AK5: variants seen among roughly 807,000 people sequenced by gnomAD.
AK5 encodes the protein adenylate kinase isoenzyme 5.
AK5 carries 27 observed loss-of-function variants against 69.5 expected under a neutral mutation model. That is an observed-to-expected ratio of 0.39 (90% CI 0.29 to 0.54). The LOEUF is 0.54. AK5 is among the 20% of genes least tolerant of loss of function. AK5 has a pLI of 0.71. For synonymous variants in AK5, 260 were observed against 244.4 expected (o/e 1.06, Z -0.60); for missense variants, 531 against 700.4 (o/e 0.76, Z 2.73).
At chr1:77,305,822 C>G (rs1438584846) in intron 5 of AK5, among the ~76,000 whole-genome samples, 1 of 151,972 alleles carries the variant, frequency 6.6e-6, no homozygotes, top group African/African-American at 2.4e-5. Flanking sequence ...TTTGGCTATT[C>G]TGGGTCTTTT....
At chr1:77,536,068 G>A in intron 13 of AK5, 30 bp downstream of exon 13, 2 of 1,555,410 alleles carry the variant, frequency 1.3e-6, no homozygotes, top group Non-Finnish European at 1.7e-6. Context: ...CCTCTGAAAT[G>A]AGCCGCTTAC....
rs955259460 is a variant in AK5, at chr1:77,508,743, T to C, written c.1148-9821T>C. ...ACAGCCAGGTGTGGTGGTGGGTGCC[T>C]GTAATCCCAGCTACTCGAGAGGCTG... On this transcript the variant is annotated intron_variant, in intron 10 of 13. Coordinates refer to ENST00000354567, the MANE Select transcript of AK5 (RefSeq NM_174858.3). Among the ~76,000 whole-genome samples, 4 of 152,080 alleles carry C rather than the reference T, an allele frequency of 2.6e-5. No individual in the cohort carries two copies. In the East Asian group the frequency reaches 7.7e-4, roughly 29 times the overall value.
chr1:77,443,704 T>TGTGTGG (rs1372753344), intron 8 of AK5, among the ~76,000 whole-genome samples: 1 of 151,522 alleles, frequency 6.6e-6, no homozygotes, highest in Non-Finnish European at 1.5e-5. Context: ...TGTGTGTGTG[T>TGTGTGG]GTGTGTGTGT....
At chr1:77,507,683 T>A (rs2256679) in intron 10 of AK5, among the ~76,000 whole-genome samples, 3,432 of 152,270 alleles carry the variant, frequency 0.023, 102 homozygotes, top group African/African-American at 0.079. Flanking sequence ...ATAATAATTA[T>A]TCATTCATGA....
At chr1:77,543,741 G>A (rs1375187526) in intron 13 of AK5, among the ~76,000 whole-genome samples, 2 of 152,102 alleles carry the variant, frequency 1.3e-5, no homozygotes, top group South Asian at 4.1e-4. Context: ...TCTCATTTAT[G>A]GGGGTCTTCA....
At chr1:77,445,085 G>T (rs1056506160) in intron 8 of AK5, among the ~76,000 whole-genome samples, 1 of 152,090 alleles carries the variant, frequency 6.6e-6, no homozygotes, top group African/African-American at 2.4e-5. Flanking sequence ...GAAAAATGCT[G>T]CAATGAGCAT....
intron 8 of AK5, among the ~76,000 whole-genome samples, chr1:77,475,331 G>A (rs1409790150): frequency 1.5e-5 from 2 of 131,750 alleles, no homozygotes; most frequent in East Asian, 2.1e-4. Context: ...ACAAGCTCAG[G>A]GCAAATGTAT....
At chr1:77,441,706 A>C (rs1652336826) in intron 8 of AK5, among the ~76,000 whole-genome samples, 1 of 152,188 alleles carries the variant, frequency 6.6e-6, no homozygotes, top group South Asian at 2.1e-4. Flanking sequence ...CAATGGGGAC[A>C]CTTAGCTGAG....
At chr1:77,450,100 G>GCTTCC (rs1557602148) in intron 8 of AK5, among the ~76,000 whole-genome samples, 1 of 152,124 alleles carries the variant, frequency 6.6e-6, no homozygotes, top group Admixed American at 6.5e-5. Flanking sequence ...AAAACAGCAA[G>GCTTCC]AGTCACCTTT....
intron 12 of AK5, among the ~76,000 whole-genome samples, chr1:77,529,688 G>C (rs568101671): frequency 2.0e-5 from 3 of 152,208 alleles, no homozygotes; most frequent in African/African-American, 4.8e-5. Context: ...ATGCTTTCCT[G>C]TATTAAGCCA....
At chr1:77,437,881 A>G (rs1652051119) in intron 8 of AK5, among the ~76,000 whole-genome samples, 1 of 152,166 alleles carries the variant, frequency 6.6e-6, no homozygotes, top group African/African-American at 2.4e-5. Flanking sequence ...CCTGAGCTCA[A>G]GATTTCGACC....
At chr1:77,290,836 A>G (rs780793989) in intron 2 of AK5, among the ~76,000 whole-genome samples, 2 of 152,224 alleles carry the variant, frequency 1.3e-5, no homozygotes, top group Non-Finnish European at 2.9e-5. Flanking sequence ...CCACCAGGAA[A>G]GAACAGACAT....
chr1:77,356,555 T>C lies in AK5; in HGVS notation c.891+15987T>C, dbSNP rs76942309. The stretch of plus-strand genomic sequence containing the variant: ...ACAAGTTTTTGAAACTCTTAGGGCC[T>C]CAGTTCTACCATCTGAAAACTGAAT... On this transcript the variant is annotated intron_variant, in intron 6 of 13. Transcript: ENST00000354567. Among the ~76,000 whole-genome samples, 107 of 152,330 alleles carry C rather than the reference T, an allele frequency of 7.0e-4. No homozygotes were observed. In the East Asian group the frequency reaches 0.019, roughly 27 times the overall value.
At chr1:77,369,212 C>T (rs1443000048) in intron 6 of AK5, among the ~76,000 whole-genome samples, 1 of 152,108 alleles carries the variant, frequency 6.6e-6, no homozygotes, top group African/African-American at 2.4e-5. Context: ...GGCTAAATAA[C>T]CTTTCTAAAA....
intron 6 of AK5, among the ~76,000 whole-genome samples, chr1:77,374,056 C>T (rs1360848820): frequency 6.6e-6 from 1 of 152,162 alleles, no homozygotes; most frequent in African/African-American, 2.4e-5. Context: ...ATTTAGAACA[C>T]TGTCATTTCC....
chr1:77,315,943 A>G (rs1047559723), intron 5 of AK5, among the ~76,000 whole-genome samples: 3 of 152,172 alleles, frequency 2.0e-5, no homozygotes, highest in South Asian at 2.1e-4. Context: ...GGAATGACTG[A>G]AGGAATGGTT....
At chr1:77,475,528 A>G (rs557990195) in intron 8 of AK5, among the ~76,000 whole-genome samples, 2 of 103,608 alleles carry the variant, frequency 1.9e-5, no homozygotes, top group South Asian at 6.8e-4. Context: ...TATATATTAT[A>G]TATATACAAA....
At chr1:77,462,038 T>A (rs1157210595) in intron 8 of AK5, among the ~76,000 whole-genome samples, 1 of 152,266 alleles carries the variant, frequency 6.6e-6, no homozygotes, top group African/African-American at 2.4e-5. Flanking sequence ...TGAAAAGTTT[T>A]CTTTATAGAA....
At chr1:77,448,137 G>T (rs1652870248) in intron 8 of AK5, among the ~76,000 whole-genome samples, 1 of 152,180 alleles carries the variant, frequency 6.6e-6, no homozygotes, top group Non-Finnish European at 1.5e-5. Context: ...GTAGGAAAAA[G>T]ACATGCCCTT....
Sources: allele counts gnomAD v4.1 joint callset (sites outside exome capture counted in the v4.1 genomes callset), GRCh38; gene constraint gnomAD v4.1.1; transcripts MANE v1.5; gene names NCBI Gene and HGNC (gene_info 2026-07-23, HGNC 2026-07-21).